The following MAPK10 variants were observed in gnomAD, a reference collection of about 807,000 sequenced individuals.
MAPK10 encodes mitogen-activated protein kinase 10.
Under a neutral mutation model 59.3 loss-of-function variants are expected in MAPK10, and 25 were observed. The ratio of observed to expected loss-of-function variants is 0.42; its 90% CI spans 0.31 to 0.59. The LOEUF is 0.59. Ranked by LOEUF, MAPK10 falls within the 20% of genes least tolerant of loss-of-function variation. The pLI is 0.15. For synonymous variants in MAPK10, 190 were observed against 200.5 expected, an observed-to-expected ratio of 0.95 and a Z score of 0.44; for missense variants, 351 against 568.9, an observed-to-expected ratio of 0.62 and a Z score of 3.90.
chr4:86,423,304 C>G (rs1746776517), intron 1 of MAPK10, among the ~76,000 whole-genome samples: 1 of 152,054 alleles, frequency 6.6e-6, no homozygotes, highest in Non-Finnish European at 1.5e-5. Flanking sequence ...AATGGCCTTC[C>G]CATTCTTAAA....
At chr4:86,424,628 C>T (rs1446181201) in intron 1 of MAPK10, among the ~76,000 whole-genome samples, 1 of 152,098 alleles carries the variant, frequency 6.6e-6, no homozygotes, top group Non-Finnish European at 1.5e-5. Flanking sequence ...CTGGGAATCT[C>T]CCTCTTGAAT....
intron 2 of MAPK10, among the ~76,000 whole-genome samples, chr4:86,232,982 C>T (rs1275043509): frequency 6.6e-6 from 1 of 152,124 alleles, no homozygotes; most frequent in Non-Finnish European, 1.5e-5. Context: ...GGGGCGACTG[C>T]TTGTGTCTGC....
intron 1 of MAPK10, among the ~76,000 whole-genome samples, chr4:86,552,773 A>T (rs547244641): frequency 6.6e-6 from 1 of 152,142 alleles, no homozygotes; most frequent in Non-Finnish European, 1.5e-5. Context: ...AGTATAATTA[A>T]GATAATGTTT....
rs1011973640 is a variant in MAPK10 at position 86,348,284 on chromosome 4, G to A, written c.-7+6246C>T. Among the ~76,000 whole-genome samples the A allele has an allele frequency of 9.2e-5, 14 of 152,116 alleles. 1 individual carries two copies. Among genetic ancestry groups the A allele is most frequent in the Middle Eastern group, 6.8e-3 (2 of 294 alleles). ...ATCATGCACCACTAGCTGCATGACC[G>A]GTGGCACATTACTAAATCATCTGTG... is the stretch of plus-strand genomic sequence containing the variant. On this transcript the variant is annotated intron_variant, in intron 2 of 13. Coordinates refer to ENST00000641462, the MANE Select transcript of MAPK10 (RefSeq NM_138982.4).
At chr4:86,507,382 C>A (rs1579428279) in intron 1 of MAPK10, among the ~76,000 whole-genome samples, 1 of 151,212 alleles carries the variant, frequency 6.6e-6, no homozygotes, top group African/African-American at 2.4e-5. Context: ...GGAGAAAAAA[C>A]CCCTTTCATT....
At chr4:86,066,612 A>C (rs1287240097) in intron 10 of MAPK10, among the ~76,000 whole-genome samples, 2 of 152,060 alleles carry the variant, frequency 1.3e-5, no homozygotes, top group African/African-American at 2.4e-5. Flanking sequence ...TAAAAATACA[A>C]AAATTAGCTG....
chr4:86,396,112 G>A (rs1405231673), intron 1 of MAPK10, among the ~76,000 whole-genome samples: 3 of 152,180 alleles, frequency 2.0e-5, no homozygotes, highest in Non-Finnish European at 2.9e-5. Flanking sequence ...TTGGGAGGCC[G>A]AGGCGGGTGG....
chr4:86,034,897 GGGT>G (rs921655726), intron 11 of MAPK10, among the ~76,000 whole-genome samples: 11 of 151,856 alleles, frequency 7.2e-5, no homozygotes, highest in Non-Finnish European at 1.5e-4. Flanking sequence ...AACAGAATAG[GGGT>G]GGTGGTGGTG....
At chr4:86,136,495 T>A (rs2149160944) in intron 4 of MAPK10, among the ~76,000 whole-genome samples, 1 of 149,850 alleles carries the variant, frequency 6.7e-6, no homozygotes. Context: ...TGAGAGATTT[T>A]GTCCCACCAG....
At chr4:86,501,132 A>C (rs72665718) in intron 1 of MAPK10, among the ~76,000 whole-genome samples, 31,369 of 147,956 alleles carry the variant, frequency 0.21, 4,406 homozygotes, top group Admixed American at 0.3. Context: ...AAAAAAAAAA[A>C]AAAAAAAACT....
chr4:86,240,800 A>G (rs2092675874), intron 2 of MAPK10, among the ~76,000 whole-genome samples: 1 of 152,156 alleles, frequency 6.6e-6, no homozygotes, highest in East Asian at 1.9e-4. Flanking sequence ...CCAATTTGCC[A>G]GTCTGTATCT....
chr4:86,041,062 T>A (rs1271353502), intron 11 of MAPK10: 2 of 152,066 alleles, frequency 1.3e-5, no homozygotes, highest in African/African-American at 4.8e-5. Context: ...AAGTACACAG[T>A]CAAACTCACA....
At chr4:86,424,538 T>C (rs1747020256) in intron 1 of MAPK10, among the ~76,000 whole-genome samples, 1 of 152,070 alleles carries the variant, frequency 6.6e-6, no homozygotes, top group African/African-American at 2.4e-5. Flanking sequence ...TGACTCAACT[T>C]AGGTTCTCAC....
chr4:86,281,248 T>C (rs2094790977), intron 2 of MAPK10, among the ~76,000 whole-genome samples: 1 of 152,276 alleles, frequency 6.6e-6, no homozygotes, highest in East Asian at 1.9e-4. Flanking sequence ...CTTAGGCCTG[T>C]AATCCCAGCA....
chr4:86,410,874 A>G (rs1745071867), intron 1 of MAPK10, among the ~76,000 whole-genome samples: 2 of 151,834 alleles, frequency 1.3e-5, no homozygotes, highest in African/African-American at 4.8e-5. Context: ...GATTTTTCGG[A>G]AGGGTTTTTT....
intron 3 of MAPK10, among the ~76,000 whole-genome samples, chr4:86,185,193 G>A (rs1001655941): frequency 1.3e-5 from 2 of 152,156 alleles, no homozygotes; most frequent in Non-Finnish European, 2.9e-5. Flanking sequence ...TGGTTCATGT[G>A]CAAAATGCAT....
At chr4:86,373,123 A>C (rs1237639603) in intron 1 of MAPK10, among the ~76,000 whole-genome samples, 1 of 152,200 alleles carries the variant, frequency 6.6e-6, no homozygotes, top group Non-Finnish European at 1.5e-5. Flanking sequence ...CAATCATCTG[A>C]GTTTCAACAA....
At chr4:86,317,074 A>G (rs2148883355) in intron 2 of MAPK10, among the ~76,000 whole-genome samples, 1 of 152,300 alleles carries the variant, frequency 6.6e-6, no homozygotes, top group African/African-American at 2.4e-5. Context: ...ACAGTAGGGC[A>G]CTGGCACATC....
At chr4:86,493,471 T>C (rs1754637007) in intron 1 of MAPK10, among the ~76,000 whole-genome samples, 1 of 152,200 alleles carries the variant, frequency 6.6e-6, no homozygotes, top group Non-Finnish European at 1.5e-5. Flanking sequence ...CCTTTCTCCA[T>C]TTGTTTTTAG....
Sources: allele counts gnomAD v4.1 joint callset (sites outside exome capture counted in the v4.1 genomes callset), GRCh38; gene constraint gnomAD v4.1.1; transcripts MANE v1.5; gene names NCBI Gene and HGNC (gene_info 2026-07-23, HGNC 2026-07-21).